CAMTA1: variants seen among roughly 807,000 people sequenced by gnomAD.
CAMTA1 encodes calmodulin binding transcription activator 1, also known as calmodulin-binding transcription activator 1.
In CAMTA1, 27 loss-of-function variants were observed where a neutral mutation model predicts 170.9. The observed-to-expected ratio is 0.16, with a 90% CI of 0.12 to 0.22. CAMTA1 has a LOEUF of 0.22. Ranked by LOEUF, CAMTA1 falls within the 10% of genes least tolerant of loss-of-function variation. The pLI, the probability that CAMTA1 is intolerant of heterozygous loss-of-function variation, is 1.00. For missense variants in CAMTA1, 1,619 were observed against 2,217.2 expected (o/e 0.73, Z 5.42); for synonymous variants, 833 against 891.5 (o/e 0.93, Z 1.17).
intron 3 of CAMTA1, among the ~76,000 whole-genome samples, chr1:6,985,743 A>G (rs1695250549): frequency 6.6e-6 from 1 of 152,240 alleles, no homozygotes; most frequent in Non-Finnish European, 1.5e-5. Flanking sequence ...GGATTGATGT[A>G]CAGTGGGCTG....
intron 5 of CAMTA1, among the ~76,000 whole-genome samples, chr1:7,457,915 A>G (rs1169228243): frequency 1.3e-5 from 2 of 152,166 alleles, no homozygotes; most frequent in Non-Finnish European, 2.9e-5. Context: ...CGGCCGACCC[A>G]GATACCCAGG....
At chr1:7,353,943 T>G (rs1193810219) in intron 5 of CAMTA1, among the ~76,000 whole-genome samples, 3 of 152,016 alleles carry the variant, frequency 2.0e-5, no homozygotes, top group Non-Finnish European at 4.4e-5. Flanking sequence ...CACTGTCTGT[T>G]GTTCTCCTCT....
chr1:7,498,383 ATGTG>A (rs539989789), intron 6 of CAMTA1, among the ~76,000 whole-genome samples: 2 of 146,332 alleles, frequency 1.4e-5, no homozygotes, highest in East Asian at 2.0e-4. Context: ...GTATGAGTGG[ATGTG>A]TGTGAGTGAA....
intron 6 of CAMTA1, among the ~76,000 whole-genome samples, chr1:7,540,036 C>A (rs2094591354): frequency 6.6e-6 from 1 of 152,326 alleles, no homozygotes; most frequent in South Asian, 2.1e-4. Context: ...GTTAGTCGTG[C>A]CCTGCCCTGG....
rs1381521209 is a variant in CAMTA1 at position 7,248,470 on chromosome 1, C to T, written c.303-1021C>T. Among the ~76,000 whole-genome samples the T allele has an allele frequency of 1.3e-5, 2 of 152,196 alleles. No individual in the cohort carries two copies. The highest frequency in any genetic ancestry group is 1.3e-4 in the Admixed American group (2 of 15,286). ...CTGGCATTCCTCTTCCCCTGCTGCA[C>T]GTTCAGGTGCAGAGTGGTGCAGCAC... On this transcript the variant is annotated intron_variant, in intron 4 of 22. Transcript: ENST00000303635. This position sits in a 1 kb window ranked among gnomAD's most constrained non-coding sequence, Gnocchi z 4.0.
At chr1:7,180,418 C>A (rs1338101227) in intron 4 of CAMTA1, among the ~76,000 whole-genome samples, 3 of 149,396 alleles carry the variant, frequency 2.0e-5, no homozygotes, top group Non-Finnish European at 4.4e-5. Context: ...AAAACAGTAT[C>A]AATTTGGTAT....
intron 6 of CAMTA1, among the ~76,000 whole-genome samples, chr1:7,509,319 CAG>C (rs1257274575): frequency 6.6e-6 from 1 of 152,186 alleles, no homozygotes; most frequent in Admixed American, 6.5e-5. Context: ...GGAAGATAAA[CAG>C]AGCAGCGCTG....
intron 6 of CAMTA1, among the ~76,000 whole-genome samples, chr1:7,495,647 C>T (rs2093814475): frequency 6.6e-6 from 1 of 152,210 alleles, no homozygotes; most frequent in South Asian, 2.1e-4. Context: ...AAACACCCTA[C>T]ACACTTTGCC....
chr1:7,690,309 G>A, intron 11 of CAMTA1, among the ~76,000 whole-genome samples: 1 of 152,366 alleles, frequency 6.6e-6, no homozygotes, highest in East Asian at 1.9e-4. Flanking sequence ...AGGAGAGAGG[G>A]AGCAGTGACC....
intron 6 of CAMTA1, among the ~76,000 whole-genome samples, chr1:7,594,117 G>GAGAA (rs373681342): frequency 0.028 from 3,681 of 130,756 alleles, 60 homozygotes; most frequent in East Asian, 0.043. Context: ...GAAAGAAAGA[G>GAGAA]AGAAAGAAAG....
intron 3 of CAMTA1, among the ~76,000 whole-genome samples, chr1:6,890,431 T>C (rs1279347382): frequency 6.6e-6 from 1 of 152,232 alleles, no homozygotes. Context: ...GAAGGCTCCC[T>C]GATGGCCTTT....
intron 6 of CAMTA1, among the ~76,000 whole-genome samples, chr1:7,525,363 C>T (rs2094419260): frequency 6.6e-6 from 1 of 152,070 alleles, no homozygotes; most frequent in Non-Finnish European, 1.5e-5. Flanking sequence ...CAGCTCCAGC[C>T]CTGACTCTGG....
At chr1:7,409,570 G>A (rs1352506867) in intron 5 of CAMTA1, among the ~76,000 whole-genome samples, 3 of 152,122 alleles carry the variant, frequency 2.0e-5, no homozygotes, top group Non-Finnish European at 4.4e-5. Flanking sequence ...GGCATTTCGT[G>A]ACTATCACCT....
intron 5 of CAMTA1, among the ~76,000 whole-genome samples, chr1:7,309,739 C>G (rs1470637489): frequency 6.6e-6 from 1 of 151,650 alleles, no homozygotes; most frequent in Admixed American, 6.6e-5. Flanking sequence ...TTAATGGTTG[C>G]TCTATGGGTT....
chr1:7,095,288 T>TA (rs988465369), intron 4 of CAMTA1, among the ~76,000 whole-genome samples: 3 of 152,150 alleles, frequency 2.0e-5, no homozygotes, highest in Non-Finnish European at 4.4e-5. Flanking sequence ...GAAATATCCA[T>TA]AAAATGAACA....
At chr1:7,696,521 T>C (rs2096379072) in intron 11 of CAMTA1, among the ~76,000 whole-genome samples, 1 of 151,980 alleles carries the variant, frequency 6.6e-6, no homozygotes, top group Non-Finnish European at 1.5e-5. Context: ...AAATAAATGT[T>C]ATCTGCTTTA....
intron 4 of CAMTA1, among the ~76,000 whole-genome samples, chr1:7,186,283 T>G (rs907319377): frequency 6.6e-6 from 1 of 152,230 alleles, no homozygotes; most frequent in Non-Finnish European, 1.5e-5. Flanking sequence ...ATTTTCTGTG[T>G]CTTGAAGTGT....
chr1:6,930,615 G>T (rs986184653), intron 3 of CAMTA1, among the ~76,000 whole-genome samples: 1 of 152,172 alleles, frequency 6.6e-6, no homozygotes, highest in Non-Finnish European at 1.5e-5. Flanking sequence ...CCCTGTGCAG[G>T]TCTATGCTGT....
intron 5 of CAMTA1, among the ~76,000 whole-genome samples, chr1:7,317,226 G>A (rs1050239789): frequency 1.1e-4 from 17 of 152,216 alleles, no homozygotes; most frequent in Admixed American, 7.8e-4. Flanking sequence ...CCCAGGAGGC[G>A]TGTGGTCCTG....
Sources: allele counts gnomAD v4.1 joint callset (sites outside exome capture counted in the v4.1 genomes callset), GRCh38; gene constraint gnomAD v4.1.1; non-coding constraint Gnocchi (gnomAD v3.1); transcripts MANE v1.5; gene names NCBI Gene and HGNC (gene_info 2026-07-23, HGNC 2026-07-21).